The following RADIL variants were observed in gnomAD, a reference collection of about 807,000 sequenced individuals.
RADIL encodes the protein ras-associating and dilute domain-containing protein.
In RADIL, 99 loss-of-function variants were observed where a neutral mutation model predicts 97.6. That is an observed-to-expected ratio of 1.01 (90% CI 0.86 to 1.20). The LOEUF (loss-of-function observed/expected upper bound fraction) is 1.20. Ranked by LOEUF, RADIL falls within the 50% of genes most tolerant of loss-of-function variation. RADIL has a pLI of 0.00. For missense variants in RADIL, 1,765 were observed against 1,498.9 expected (o/e 1.18, Z -2.93); for synonymous variants, 803 against 691.8 (o/e 1.16, Z -2.52).
rs571156248 is a variant in RADIL, at chr7:4,844,370, G to A, written c.536-7765C>T. Among the ~76,000 whole-genome samples the A allele has an allele frequency of 2.1e-4, 32 of 151,360 alleles. No homozygotes were observed. In the East Asian group the frequency reaches 5.6e-3, roughly 26 times the overall value. ...TGAGGCAGGAGAATTGCTTGAACCC[G>A]AGAGGCAGAGGTTGCAGTGAGCTGA... On this transcript the variant is annotated intron_variant, in intron 2 of 14. Coordinates refer to ENST00000399583, the MANE Select transcript of RADIL (RefSeq NM_018059.5).
chr7:4,865,220 A>AC (rs1391269963), intron 2 of RADIL, among the ~76,000 whole-genome samples: 1 of 152,256 alleles, frequency 6.6e-6, no homozygotes, highest in Non-Finnish European at 1.5e-5. Context: ...CCAAATGAGC[A>AC]CATGTGCTTC....
At chr7:4,830,542 GGGA>G (rs1783110444) in intron 5 of RADIL, among the ~76,000 whole-genome samples, 1 of 152,148 alleles carries the variant, frequency 6.6e-6, no homozygotes, top group Non-Finnish European at 1.5e-5. Flanking sequence ...GGGAGAGCAA[GGGA>G]GGAGAAGGCT....
rs776397021 is a variant in RADIL, at chr7:4,805,745, C to G, written c.2140-29G>C. 3 of 1,595,478 alleles carry G rather than the reference C, an allele frequency of 1.9e-6. No individual in the cohort carries two copies. In the African/African-American group the frequency reaches 4.0e-5, roughly 21 times the overall value. On this transcript the variant is annotated intron_variant, in intron 9 of 14. Transcript: ENST00000399583. ...GGTGACAAGAAGGAGCTCATGGTCA[C>G]AGGTCTCTGGGTGCAGACCCCAGCC...
At chr7:4,826,428 G>C (rs958300589) in intron 5 of RADIL, among the ~76,000 whole-genome samples, 1 of 151,664 alleles carries the variant, frequency 6.6e-6, no homozygotes, top group African/African-American at 2.4e-5. Flanking sequence ...AGGAAAAGGG[G>C]AGTTTTTAAA....
chr7:4,875,896 T>C (rs1335171299), intron 2 of RADIL, among the ~76,000 whole-genome samples: 4 of 152,094 alleles, frequency 2.6e-5, no homozygotes, highest in African/African-American at 4.8e-5. Context: ...ATCCCAGAAG[T>C]GGCGACCTCT....
chr7:4,805,434 C>T, intron 10 of RADIL, 132 bp downstream of exon 10: 1 of 1,169,566 alleles, frequency 8.6e-7, no homozygotes, highest in African/African-American at 1.6e-5. Context: ...GGTGGAGGCT[C>T]CTCCAGGGAG....
chr7:4,831,394 G>A (rs1000664289), intron 5 of RADIL, among the ~76,000 whole-genome samples: 1 of 151,988 alleles, frequency 6.6e-6, no homozygotes, highest in Non-Finnish European at 1.5e-5. Context: ...GGTGGAGGCT[G>A]GGAGGAGGGA....
intron 2 of RADIL, among the ~76,000 whole-genome samples, chr7:4,841,220 C>T (rs749468530): frequency 2.6e-5 from 4 of 152,088 alleles, no homozygotes; most frequent in Non-Finnish European, 4.4e-5. Context: ...AGCTGTGGCC[C>T]CAACGCCCTC....
intron 9 of RADIL, chr7:4,809,730 C>A: frequency 1.3e-6 from 1 of 743,564 alleles, no homozygotes; most frequent in Non-Finnish European, 1.6e-6. Context: ...TCGCCCAGGC[C>A]GGAGTGCAGT....
rs745846499 is a variant in RADIL at position 4,813,884 on chromosome 7, C to T, written c.2139+1394G>A. 9.9e-5 allele frequency among the ~76,000 whole-genome samples: 15 copies of T among 152,190 alleles called. No homozygotes were observed. The highest frequency in any genetic ancestry group is 1.9e-4 in the Non-Finnish European group (13 of 68,040). On this transcript the variant is annotated intron_variant, in intron 9 of 14. Coordinates refer to ENST00000399583, the MANE Select transcript of RADIL (RefSeq NM_018059.5). The surrounding 1 kb of genome is among the most constrained non-coding windows in gnomAD (Gnocchi z 5.0). Reference sequence around the variant, plus strand: ...ATCGGTGTCCAGAGGTACCTGGTGCCACCAATTCCTGAGCCTCTTGGTGGC... The same window carrying T: ...ATCGGTGTCCAGAGGTACCTGGTGCTACCAATTCCTGAGCCTCTTGGTGGC...
chr7:4,871,315 G>A (rs1327756608), intron 2 of RADIL, among the ~76,000 whole-genome samples: 1 of 152,214 alleles, frequency 6.6e-6, no homozygotes, highest in Non-Finnish European at 1.5e-5. Flanking sequence ...TATTTCAAAT[G>A]AAAACAACCA....
Position 4,817,116 on chromosome 7 carries a change from A to C in RADIL, c.1728+123T>G. 2.6e-6 allele frequency: 2 copies of C among 783,098 alleles called. No individual in the cohort carries two copies. Among genetic ancestry groups the C allele is most frequent in the Non-Finnish European group, 4.1e-6 (2 of 483,946 alleles). The allele number at this position is 783,098 out of a possible 1,614,324, so 48.5% of individuals were successfully genotyped here. On this transcript the variant is annotated intron_variant, in intron 7 of 14. Transcript: ENST00000399583. This position sits in a 1 kb window ranked among gnomAD's most constrained non-coding sequence, Gnocchi z 8.3. Reference sequence around the variant, plus strand: ...CAGCCACTGCTCCCTGATGAAGTGGAGCTTGTCACGGTCCCCTCCCTCAGC... The same window carrying C: ...CAGCCACTGCTCCCTGATGAAGTGGCGCTTGTCACGGTCCCCTCCCTCAGC...
intron 2 of RADIL, among the ~76,000 whole-genome samples, chr7:4,839,205 G>A (rs577554210): frequency 2.2e-4 from 34 of 152,276 alleles, no homozygotes; most frequent in Admixed American, 1.1e-3. Flanking sequence ...TATAGCTTAC[G>A]GTTTCTATAT....
At chr7:4,863,744 CA>C (rs1417229612) in intron 2 of RADIL, among the ~76,000 whole-genome samples, 1 of 152,218 alleles carries the variant, frequency 6.6e-6, no homozygotes, top group Non-Finnish European at 1.5e-5. Flanking sequence ...TTTTTTCACT[CA>C]ATGTGTCACC....
rs983877439 is a variant in RADIL, at chr7:4,835,571, C to A, written c.784-332G>T. 6.6e-6 allele frequency among the ~76,000 whole-genome samples: 1 copy of A among 151,746 alleles called. No individual in the cohort carries two copies. The highest frequency in any genetic ancestry group is 1.5e-5 in the Non-Finnish European group (1 of 68,002). On this transcript the variant is annotated intron_variant, in intron 3 of 14. Transcript: ENST00000399583. The surrounding 1 kb of genome is among the most constrained non-coding windows in gnomAD (Gnocchi z 5.8). ...CCGGGCCAAGGACTACATAACTTCCCCCAAGTCATCCCCAAAACTGTGTGG... is the reference window on the plus strand; with the variant it reads ...CCGGGCCAAGGACTACATAACTTCCACCAAGTCATCCCCAAAACTGTGTGG...
chr7:4,815,245 C>T lies in RADIL; in HGVS notation c.2139+33G>A. The T allele has an allele frequency of 6.7e-7, 1 of 1,501,332 alleles. No homozygotes were observed. The highest frequency in any genetic ancestry group is 8.9e-7 in the Non-Finnish European group (1 of 1,119,826). 93.0% of individuals were successfully genotyped at this position (1,501,332 alleles called of 1,614,324 possible). ...CCCACAGCATGTGGCCCCGCCCCTCCCCACACTCGCCGCCTCCCATGCGCA... is the reference window on the plus strand; with the variant it reads ...CCCACAGCATGTGGCCCCGCCCCTCTCCACACTCGCCGCCTCCCATGCGCA... On this transcript the variant is annotated intron_variant, in intron 9 of 14. Transcript: ENST00000399583. The surrounding 1 kb of genome is among the most constrained non-coding windows in gnomAD (Gnocchi z 8.0).
chr7:4,871,891 C>T (rs577187320), intron 2 of RADIL, among the ~76,000 whole-genome samples: 5 of 152,302 alleles, frequency 3.3e-5, no homozygotes, highest in African/African-American at 9.6e-5. Context: ...TTAGCCTGAA[C>T]CTTCCTGGCT....
At chr7:4,876,252 G>C (rs1413404836) in intron 2 of RADIL, among the ~76,000 whole-genome samples, 1 of 152,128 alleles carries the variant, frequency 6.6e-6, no homozygotes, top group Non-Finnish European at 1.5e-5. Context: ...GCCTCTCAAA[G>C]TGTTGAGATT....
intron 4 of RADIL, among the ~76,000 whole-genome samples, chr7:4,833,000 G>A (rs994075968): frequency 5.9e-5 from 9 of 152,266 alleles, no homozygotes; most frequent in African/African-American, 1.2e-4. Context: ...ACTCAGGCTC[G>A]GTCTCATGTC....
Sources: gnomAD v4.1 joint callset for allele counts (sites outside exome capture counted in the v4.1 genomes callset) on GRCh38, gnomAD v4.1.1 for gene constraint, Gnocchi (gnomAD v3.1) non-coding constraint, MANE v1.5 for transcripts, NCBI Gene and HGNC (gene_info 2026-07-23, HGNC 2026-07-21) for gene names.